DNAH8: variants seen among roughly 807,000 people sequenced by gnomAD.
The protein encoded by DNAH8 is dynein axonemal heavy chain 8.
A neutral mutation model predicts 562.1 loss-of-function variants in DNAH8; 382 were observed. That is an observed-to-expected ratio of 0.68 (90% CI 0.63 to 0.74). The LOEUF is 0.74. Ranked by LOEUF, DNAH8 falls within the 30% of genes least tolerant of loss-of-function variation. The probability of loss-of-function intolerance (pLI) is 0.00; values close to 1 mark genes in which losing one functional copy is unlikely to be tolerated. For missense variants in DNAH8, 5,203 were observed against 5,620.4 expected (o/e 0.93, Z 2.37); for synonymous variants, 1,881 against 1,919.4 (o/e 0.98, Z 0.52).
chr6:38,770,564 G>A lies in DNAH8; in HGVS notation c.1764+5G>A. 6.3e-7 allele frequency: 1 copy of A among 1,588,266 alleles called. No individual in the cohort carries two copies. Among genetic ancestry groups the A allele is most frequent in the Non-Finnish European group, 8.5e-7 (1 of 1,171,480 alleles). On this transcript the variant is annotated splice_donor_5th_base_variant and intron_variant, in intron 12 of 92. Transcript: ENST00000327475. ...TTTTGCAAAAGACTGGAGAAGGTAA[G>A]CATTATGCAGTCATCGTACCCCACT...
intron 36 of DNAH8, 119 bp from the exon 37 acceptor site, chr6:38,848,529 C>T (rs1292130725): frequency 2.6e-6 from 2 of 760,442 alleles, no homozygotes; most frequent in Non-Finnish European, 4.2e-6. Flanking sequence ...TAGGAACTGC[C>T]CTTTAAGGAC....
In DNAH8 at chr6:38,848,782, T is replaced by C. The variant is rs1775508806; in HGVS notation, c.5180T>C (p.Ile1727Thr). Reference sequence around the variant, plus strand: ...GAAGCCGTCTTTGTAGGTGGAGATATTGCCAAACAGCTGCCTCAGGTAAAT... The same window carrying C: ...GAAGCCGTCTTTGTAGGTGGAGATACTGCCAAACAGCTGCCTCAGGTAAAT... ...YLEAVFVGGD[I>T]AKQLPQEAKR... is the part of the protein sequence containing the mutation. The change falls in exon 37 of 93, where the codon ATT becomes ACT. Residue 1727 changes from isoleucine to threonine, a missense_variant. Coordinates refer to ENST00000327475, the MANE Select transcript of DNAH8 (RefSeq NM_001206927.2). 1.9e-6 allele frequency: 3 copies of C among 1,613,480 alleles called. No homozygotes were observed. The African/African-American group carries it at 4.0e-5, about 22-fold the overall frequency.
At position 38,938,968 on chromosome 6, in the gene DNAH8, A is replaced by C. The variant is rs1295423475; in HGVS notation, c.11987A>C (p.Glu3996Ala). Residue 3996 changes from glutamate to alanine, a missense_variant, in exon 79 of 93, where the codon GAG becomes GCG. Glu to Ala is a moderately radical substitution (Grantham distance 107). Around this residue, in one of 6 missense-constraint regions of DNAH8, gnomAD observed 1,399 missense variants for 1,518.4 expected, o/e 0.92. Transcript: ENST00000327475. ...CAGAGAGGGACAGTTAAGCACAGAG[A>C]GTTTCAAGCTCTCATTAAAGGTAAA... ...DLQRGTVKHR[E>A]FQALIKGGAA... 2 of 1,613,080 alleles carry C rather than the reference A, an allele frequency of 1.2e-6. No homozygotes were observed. The highest frequency in any genetic ancestry group is 1.7e-6 in the Non-Finnish European group (2 of 1,179,674).
intron 88 of DNAH8, among the ~76,000 whole-genome samples, chr6:38,999,208 G>A (rs900244620): frequency 2.6e-5 from 4 of 152,140 alleles, no homozygotes; most frequent in Non-Finnish European, 5.9e-5. Flanking sequence ...GTGGGATCTA[G>A]CAGCAGCAGC....
At chr6:38,860,153 A>G (rs1471248509) in intron 42 of DNAH8, among the ~76,000 whole-genome samples, 1 of 151,854 alleles carries the variant, frequency 6.6e-6, no homozygotes, top group African/African-American at 2.4e-5. Flanking sequence ...GATATCCTGG[A>G]GTAGTTAGGT....
chr6:38,899,504 A>G (rs530712103), intron 61 of DNAH8, among the ~76,000 whole-genome samples: 1 of 152,380 alleles, frequency 6.6e-6, no homozygotes, highest in South Asian at 2.1e-4. Flanking sequence ...GTGCACACGC[A>G]TGAACACACA....
At chr6:38,827,727 A>T (rs1773467167) in intron 29 of DNAH8, among the ~76,000 whole-genome samples, 2 of 55,184 alleles carry the variant, frequency 3.6e-5, no homozygotes, top group Admixed American at 2.0e-4. Context: ...TTAATTCTTT[A>T]CCAAACTTTT....
chr6:38,988,088 C>T (rs1362112351), intron 87 of DNAH8, among the ~76,000 whole-genome samples: 1 of 152,204 alleles, frequency 6.6e-6, no homozygotes, highest in Non-Finnish European at 1.5e-5. Context: ...CCACTGTAAA[C>T]TCACGCCTGC....
At chr6:38,779,133 C>T (rs1354518675) in intron 14 of DNAH8, among the ~76,000 whole-genome samples, 2 of 152,134 alleles carry the variant, frequency 1.3e-5, no homozygotes, top group Non-Finnish European at 2.9e-5. Context: ...AAGCCTTTCC[C>T]TTTCAGCACA....
intron 22 of DNAH8, among the ~76,000 whole-genome samples, chr6:38,804,639 G>C (rs984837411): frequency 1.3e-5 from 2 of 152,028 alleles, no homozygotes; most frequent in African/African-American, 4.8e-5. Flanking sequence ...TGCCTTACAG[G>C]GATGAAGTTA....
intron 82 of DNAH8, among the ~76,000 whole-genome samples, chr6:38,953,609 G>T (rs996011219): frequency 6.6e-6 from 1 of 152,098 alleles, no homozygotes; most frequent in African/African-American, 2.4e-5. Context: ...AGGATCAAAT[G>T]AATTTTATAA....
At position 38,843,010 on chromosome 6, in the gene DNAH8, T is replaced by C. The variant is rs990149708; in HGVS notation, c.4845+107T>C. On this transcript the variant is annotated intron_variant, in intron 35 of 92. Transcript: ENST00000327475. ...ATGAGAGGTTGGACTAATTGCCCTC[T>C]ATAATGCACCCTCAAAATTTGGAAT... is the stretch of plus-strand genomic sequence containing the variant. The C allele has an allele frequency of 7.9e-6, 9 of 1,143,934 alleles. No individual in the cohort carries two copies. The African/African-American group carries it at 1.2e-4, about 16-fold the overall frequency. 70.9% of individuals were successfully genotyped at this position (1,143,934 alleles called of 1,614,324 possible).
At chr6:38,828,427 A>G (rs1583119270) in intron 30 of DNAH8, 139 bp downstream of exon 30, 1 of 543,676 alleles carries the variant, frequency 1.8e-6, no homozygotes, top group Non-Finnish European at 3.2e-6. Flanking sequence ...CTGCATATAC[A>G]ACGGTGATCT....
At chr6:39,007,560 C>G (rs536735649) in intron 88 of DNAH8, among the ~76,000 whole-genome samples, 1 of 152,170 alleles carries the variant, frequency 6.6e-6, no homozygotes, top group African/African-American at 2.4e-5. Context: ...CCATGTCACA[C>G]CTGGCTAGGG....
Position 38,951,448 on chromosome 6 carries a change from C to A in DNAH8, c.12379C>A (p.Leu4127Met). Reference protein sequence around the residue: ...TWEESDTRTPLICFLSMGSDP... With the variant: ...TWEESDTRTPMICFLSMGSDP... Reference sequence around the variant, plus strand: ...GGAAGAAAGTGATACCCGGACACCTCTGATATGCTTCCTGTCCATGGGATC... The same window carrying A: ...GGAAGAAAGTGATACCCGGACACCTATGATATGCTTCCTGTCCATGGGATC... Residue 4127 changes from leucine (L) to methionine (M), a missense_variant, in exon 82 of 93, where the codon CTG (leucine) becomes ATG (methionine). Transcript: ENST00000327475. 1 of 1,614,144 alleles carries A rather than the reference C, an allele frequency of 6.2e-7. No homozygotes were observed. The highest frequency in any genetic ancestry group is 8.5e-7 in the Non-Finnish European group (1 of 1,180,034).
intron 57 of DNAH8, among the ~76,000 whole-genome samples, chr6:38,890,243 G>C (rs1779249978): frequency 6.6e-6 from 1 of 152,140 alleles, no homozygotes; most frequent in Non-Finnish European, 1.5e-5. Flanking sequence ...TAAGATGAGG[G>C]AGTACTCTCT....
At chr6:38,865,879 G>A (rs143453050) in intron 45 of DNAH8, among the ~76,000 whole-genome samples, 1 of 152,250 alleles carries the variant, frequency 6.6e-6, no homozygotes, top group African/African-American at 2.4e-5. Context: ...AAATGGTCAG[G>A]GACTGAAGGT....
At position 38,737,837 on chromosome 6, in the gene DNAH8, G is replaced by A; in HGVS notation, c.981G>A (p.Val327=). 6.4e-7 allele frequency: 1 copy of A among 1,557,070 alleles called. No homozygotes were observed. The highest frequency in any genetic ancestry group is 1.2e-5 in the South Asian group (1 of 81,528). The change falls in exon 7 of 93, where the codon GTG becomes GTA. Residue 327 remains valine (V), a synonymous_variant. Transcript: ENST00000327475. ...CTAGAATAAGTATTGAGGGAACAGT[G>A]AAGTTAAAGACAATAGACAATGTTA... ...DGARISIEGT[V]KLKTIDNVNF... is the part of the protein sequence containing the mutation.
intron 41 of DNAH8, among the ~76,000 whole-genome samples, chr6:38,853,622 CGT>C (rs147843227): frequency 1.3e-4 from 19 of 150,808 alleles, no homozygotes; most frequent in African/African-American, 3.2e-4. Flanking sequence ...CATATGTAAG[CGT>C]GTGTGTGTGT....
Sources: allele counts gnomAD v4.1 joint callset (sites outside exome capture counted in the v4.1 genomes callset), GRCh38; gene constraint gnomAD v4.1.1; regional missense constraint gnomAD v4.1.1; transcripts MANE v1.5; gene names NCBI Gene and HGNC (gene_info 2026-07-23, HGNC 2026-07-21).